CNTNAP3: variants seen among roughly 807,000 people sequenced by gnomAD.
The protein encoded by CNTNAP3 is contactin associated protein family member 3.
A neutral mutation model predicts 92.1 loss-of-function variants in CNTNAP3; 36 were observed. The observed-to-expected ratio is 0.39, with a 90% CI of 0.30 to 0.52. The LOEUF is 0.52. CNTNAP3 is among the 20% of genes least tolerant of loss of function. The pLI, the probability that CNTNAP3 is intolerant of heterozygous loss-of-function variation, is 0.76. For synonymous variants in CNTNAP3, 232 were observed against 422.3 expected (o/e 0.55, Z 5.53); for missense variants, 534 against 1,069.6 (o/e 0.50, Z 6.98).
At chr9:39,113,582 C>T (rs1820764685) in intron 14 of CNTNAP3, among the ~76,000 whole-genome samples, 1 of 151,740 alleles carries the variant, frequency 6.6e-6, no homozygotes, top group South Asian at 2.1e-4. Flanking sequence ...AGGTTTGTTT[C>T]TTTTCCAAAC....
At chr9:39,092,020 C>G (rs540487446) in intron 18 of CNTNAP3, among the ~76,000 whole-genome samples, 5 of 150,498 alleles carry the variant, frequency 3.3e-5, no homozygotes, top group Admixed American at 6.6e-5. Context: ...ATCTAAGTTA[C>G]GTAATTTTTT....
intron 12 of CNTNAP3, among the ~76,000 whole-genome samples, chr9:39,133,873 T>A (rs1821363584): frequency 6.6e-6 from 1 of 152,208 alleles, no homozygotes; most frequent in African/African-American, 2.4e-5. Flanking sequence ...TGAAGTCACT[T>A]TAATTCTACT....
chr9:39,105,733 CT>C, intron 15 of CNTNAP3, among the ~76,000 whole-genome samples: 1 of 151,826 alleles, frequency 6.6e-6, no homozygotes, highest in South Asian at 2.1e-4. Context: ...GTCGTGGTTT[CT>C]TTTTTAGCAG....
intron 21 of CNTNAP3, chr9:39,085,439 T>C: frequency 2.4e-6 from 1 of 411,742 alleles, no homozygotes; most frequent in Non-Finnish European, 4.4e-6. Flanking sequence ...CGTGTCAGCT[T>C]TGACAACATT....
At chr9:39,095,594 T>C (rs1285484849) in intron 18 of CNTNAP3, among the ~76,000 whole-genome samples, 4 of 145,894 alleles carry the variant, frequency 2.7e-5, no homozygotes, top group South Asian at 2.2e-4. Context: ...ATGTTTTTTT[T>C]CCCCTCTCAT....
rs1451355631 is a variant in CNTNAP3 at position 39,068,460 on chromosome 9, T to A, written c.*5430A>T. Among the ~76,000 whole-genome samples, 7,227 of 140,152 alleles carry A rather than the reference T, an allele frequency of 0.052. No individual in the cohort carries two copies. The highest frequency in any genetic ancestry group is 0.17 in the African/African-American group (5,584 of 32,460). 91.9% of individuals were successfully genotyped at this position (140,152 alleles called of 152,430 possible). ...ATTAAATTAAATAAAAATTAAAAAA[T>A]TCATAGAGAGGTGACTAGAAAAGAT... is the stretch of plus-strand genomic sequence containing the variant. On this transcript the variant is annotated 3_prime_UTR_variant, in exon 24 of 24. Transcript: ENST00000297668.
chr9:39,082,504 A>G (rs1184338490), intron 21 of CNTNAP3, among the ~76,000 whole-genome samples: 1 of 152,088 alleles, frequency 6.6e-6, no homozygotes, highest in East Asian at 1.9e-4. Flanking sequence ...GACTTTTTAT[A>G]GGGTTTTTAG....
At chr9:39,149,426 T>C (rs963592692) in intron 10 of CNTNAP3, among the ~76,000 whole-genome samples, 4 of 151,926 alleles carry the variant, frequency 2.6e-5, no homozygotes, top group Non-Finnish European at 5.9e-5. Context: ...CTCTGCTCAC[T>C]GCAAGCTCCA....
intron 18 of CNTNAP3, among the ~76,000 whole-genome samples, chr9:39,089,011 A>G (rs935854032): frequency 6.6e-6 from 1 of 152,276 alleles, no homozygotes; most frequent in Non-Finnish European, 1.5e-5. Flanking sequence ...ATTAATTTTT[A>G]AACATCTTTA....
At chr9:39,103,056 C>T (rs554023231) in intron 16 of CNTNAP3, among the ~76,000 whole-genome samples, 4,132 of 151,900 alleles carry the variant, frequency 0.027, 61 homozygotes, top group African/African-American at 0.093. Context: ...TATTTACAAA[C>T]GGCTCAAAGT....
At chr9:39,084,265 T>C (rs1826017910) in intron 21 of CNTNAP3, among the ~76,000 whole-genome samples, 1 of 148,664 alleles carries the variant, frequency 6.7e-6, no homozygotes, top group Admixed American at 6.8e-5. Flanking sequence ...GGATCTCTGC[T>C]CACTGCAAGC....
chr9:39,120,744 C>T (rs990781438), intron 13 of CNTNAP3, among the ~76,000 whole-genome samples: 3 of 151,900 alleles, frequency 2.0e-5, no homozygotes, highest in African/African-American at 7.3e-5. Context: ...GCAGACATTC[C>T]CTAAAGAATG....
Position 39,149,838 on chromosome 9 carries a change from G to T in CNTNAP3, c.1617C>A (p.Asp539Glu). The T allele has an allele frequency of 6.2e-7, 1 of 1,601,464 alleles. No homozygotes were observed. Among genetic ancestry groups the T allele is most frequent in the South Asian group, 1.1e-5 (1 of 90,034 alleles). Reference protein sequence around the residue: ...VQQGALGSFRDLQIDSCGITD... With the variant: ...VQQGALGSFRELQIDSCGITD... ...TGATGCCGCAGGAGTCTATCTGGAG[G>T]TCCCTGAAACTCCCCAGCGCCCCCT... The change falls in exon 10 of 24, where the codon GAC becomes GAA. Residue 539 changes from aspartate to glutamate, a missense_variant. Transcript: ENST00000297668.
intron 13 of CNTNAP3, 29 bp downstream of exon 13, chr9:39,132,903 C>G: frequency 6.5e-7 from 1 of 1,529,262 alleles, no homozygotes; most frequent in African/African-American, 1.4e-5. Flanking sequence ...GCCCCGTGAA[C>G]CCCTGTAGCC....
At chr9:39,113,845 T>C (rs1206845735) in intron 14 of CNTNAP3, among the ~76,000 whole-genome samples, 1 of 151,346 alleles carries the variant, frequency 6.6e-6, no homozygotes, top group Non-Finnish European at 1.5e-5. Flanking sequence ...TCAAGTTTGT[T>C]AATTATAATA....
chr9:39,143,136 T>TAG (rs1821616144), intron 11 of CNTNAP3, among the ~76,000 whole-genome samples: 1 of 150,198 alleles, frequency 6.7e-6, no homozygotes, highest in African/African-American at 2.5e-5. Flanking sequence ...TATAACAGGT[T>TAG]AGAGGTCAAT....
Position 39,256,546 on chromosome 9 carries a change from A to G in CNTNAP3, c.196+10350T>C, listed in dbSNP as rs1174993709. Among the ~76,000 whole-genome samples the G allele has an allele frequency of 7.5e-3, 120 of 15,900 alleles. 49 individuals are homozygous for G. The highest frequency in any genetic ancestry group is 0.015 in the African/African-American group (112 of 7,450). The allele number at this position is 15,900 out of a possible 152,430, so 10.4% of individuals were successfully genotyped here. On this transcript the variant is annotated intron_variant, in intron 2 of 23. Coordinates refer to ENST00000297668, the MANE Select transcript of CNTNAP3 (RefSeq NM_033655.5). ...ATGGTGGCTCAGGCCCGTAATCCCA[A>G]CATTTTGGGATGCTGAGGTGGCTGG...
chr9:39,133,006 G>C lies in CNTNAP3; in HGVS notation c.2006C>G (p.Ala669Gly). 6.5e-7 allele frequency: 1 copy of C among 1,539,266 alleles called. No individual in the cohort carries two copies. The highest frequency in any genetic ancestry group is 8.7e-7 in the Non-Finnish European group (1 of 1,150,232). ...CTCGCAGCGCTCCGCCAGGTTCACC[G>C]CGGACCGCAGCTGCCCCGCGCCCGC... Reference protein sequence around the residue: ...YAAGAGQLRSAVNLAERCEQR... With the variant: ...YAAGAGQLRSGVNLAERCEQR... Residue 669 changes from alanine (A) to glycine (G), a missense_variant, in exon 13 of 24, where the codon GCG becomes GGG. Physicochemically the swap from Ala to Gly is moderately conservative, Grantham distance 60. Transcript: ENST00000297668.
intron 20 of CNTNAP3, chr9:39,086,189 C>A: frequency 2.8e-6 from 1 of 352,668 alleles, no homozygotes; most frequent in East Asian, 7.0e-5. Flanking sequence ...CATTGTTGTT[C>A]TCTATACAGT....
Sources: gnomAD v4.1 joint callset for allele counts (sites outside exome capture counted in the v4.1 genomes callset) on GRCh38, gnomAD v4.1.1 for gene constraint, MANE v1.5 for transcripts, NCBI Gene and HGNC (gene_info 2026-07-23, HGNC 2026-07-21) for gene names.